CD163: variants seen among roughly 807,000 people sequenced by gnomAD.
CD163 encodes CD163 molecule, also known as scavenger receptor cysteine-rich type 1 protein M130.
CD163 carries 64 observed loss-of-function variants against 129.2 expected under a neutral mutation model. The observed-to-expected ratio is 0.50, with a 90% CI of 0.41 to 0.61. The LOEUF (loss-of-function observed/expected upper bound fraction) is 0.61. Among genes scored for constraint, CD163 ranks in the 20% least tolerant of loss-of-function variants. The pLI is 0.00. For synonymous variants in CD163, 446 were observed against 478.5 expected (o/e 0.93, Z 0.89); for missense variants, 1,061 against 1,377.9 (o/e 0.77, Z 3.64).
At chr12:7,498,719 T>C (rs761890410) in intron 4 of CD163, 149 bp downstream of exon 4, 6 of 715,834 alleles carry the variant, frequency 8.4e-6, no homozygotes, top group East Asian at 5.1e-5. Context: ...AGTCCACAGG[T>C]ATCAGAACTG....
chr12:7,480,025 A>G, intron 15 of CD163, 112 bp from the exon 16 acceptor site: 3 of 1,598,854 alleles, frequency 1.9e-6, no homozygotes, highest in Non-Finnish European at 2.6e-6. Flanking sequence ...TTACTGGGAA[A>G]TAAACCAGAC....
At chr12:7,484,175 G>A (rs1949214884) in intron 11 of CD163, among the ~76,000 whole-genome samples, 1 of 151,254 alleles carries the variant, frequency 6.6e-6, no homozygotes, top group African/African-American at 2.4e-5. Context: ...TTTTATAAGA[G>A]GACTTGTCAT....
intron 11 of CD163, 70 bp from the exon 12 acceptor site, chr12:7,483,745 G>C (rs1565400265): frequency 1.1e-6 from 1 of 903,854 alleles, no homozygotes; most frequent in Non-Finnish European, 1.5e-6. Context: ...CAGGTGAAAA[G>C]AGAGATTTGA....
chr12:7,479,236 A>G (rs1949128303), intron 16 of CD163, among the ~76,000 whole-genome samples: 1 of 152,062 alleles, frequency 6.6e-6, no homozygotes, highest in South Asian at 2.1e-4. Flanking sequence ...TTATTAAACA[A>G]TCATGTCTTT....
At chr12:7,503,038 A>G (rs1377030782) in intron 1 of CD163, among the ~76,000 whole-genome samples, 3 of 152,214 alleles carry the variant, frequency 2.0e-5, no homozygotes, top group Non-Finnish European at 2.9e-5. Flanking sequence ...CATGTTCACC[A>G]TAATTTCACC....
chr12:7,473,444 T>G (rs763041277), intron 16 of CD163, among the ~76,000 whole-genome samples: 2 of 152,270 alleles, frequency 1.3e-5, no homozygotes, highest in East Asian at 3.9e-4. Flanking sequence ...GAAACAATTT[T>G]CAACCCAGAA....
chr12:7,482,279 TG>T (rs1267093324), intron 14 of CD163, among the ~76,000 whole-genome samples: 1 of 152,222 alleles, frequency 6.6e-6, no homozygotes, highest in Non-Finnish European at 1.5e-5. Flanking sequence ...AATTCTGTAA[TG>T]TTCCAGTTAA....
chr12:7,482,726 C>A lies in CD163; in HGVS notation c.3164G>T (p.Gly1055Val), dbSNP rs370234977. 6.2e-7 allele frequency: 1 copy of A among 1,613,956 alleles called. No homozygotes were observed. The highest frequency in any genetic ancestry group is 8.5e-7 in the Non-Finnish European group (1 of 1,179,990). Reference protein sequence around the residue: ...SSRQSSFIAVGILGVVLLAIF... With the variant: ...SSRQSSFIAVVILGVVLLAIF... ...GGCCAACAGAACAACCCCAAGGATC[C>A]CGACTGCAATAAAGGATGACTGACG... Residue 1055 changes from glycine (G) to valine (V), a missense_variant, in exon 14 of 17, where the codon GGG becomes GTG. Transcript: ENST00000432237.
chr12:7,479,426 A>AT (rs1949131351), intron 16 of CD163, among the ~76,000 whole-genome samples: 1 of 152,002 alleles, frequency 6.6e-6, no homozygotes, highest in Non-Finnish European at 1.5e-5. Context: ...TTTTTCAGTT[A>AT]TTTTTAAAGT....
chr12:7,500,314 G>A (rs756187702), intron 3 of CD163, among the ~76,000 whole-genome samples: 6 of 148,702 alleles, frequency 4.0e-5, no homozygotes, highest in South Asian at 2.1e-4. Flanking sequence ...CCAGCTACTC[G>A]GGAGACTGAG....
At chr12:7,475,253 C>T (rs1949071068) in intron 16 of CD163, among the ~76,000 whole-genome samples, 1 of 152,142 alleles carries the variant, frequency 6.6e-6, no homozygotes, top group African/African-American at 2.4e-5. Flanking sequence ...TCAGCATCAT[C>T]CTGACACCAA....
chr12:7,502,499 A>T lies in CD163; in HGVS notation c.112T>A (p.Cys38Ser), dbSNP rs1356741085. The T allele has an allele frequency of 6.2e-7, 1 of 1,600,356 alleles. No individual in the cohort carries two copies. Among genetic ancestry groups the T allele is most frequent in the East Asian group, 2.2e-5 (1 of 44,722 alleles). ...TITVVLLLSA[C>S]FVTSSLGGTD... Reference sequence around the variant, plus strand: ...TCACCAAGAGAACTGGTGACAAAACAGGCACTGAGAAGTAAGACCACAGTA... The same window carrying T: ...TCACCAAGAGAACTGGTGACAAAACTGGCACTGAGAAGTAAGACCACAGTA... The change falls in exon 2 of 17, where the codon TGT becomes AGT. Residue 38 changes from cysteine to serine, a missense_variant. Transcript: ENST00000432237.
intron 6 of CD163, 130 bp from the exon 7 acceptor site, chr12:7,488,217 G>C: frequency 1.0e-6 from 1 of 993,222 alleles, no homozygotes; most frequent in Non-Finnish European, 1.4e-6. Context: ...ACACTTGTTT[G>C]TCTTGGCTTT....
chr12:7,495,008 G>A, intron 6 of CD163, 73 bp downstream of exon 6: 1 of 1,166,640 alleles, frequency 8.6e-7, no homozygotes, highest in Non-Finnish European at 1.3e-6. Context: ...AAGGACCAAT[G>A]TTTCTTTTCA....
chr12:7,484,119 G>T (rs925393513), intron 11 of CD163, among the ~76,000 whole-genome samples: 9 of 151,648 alleles, frequency 5.9e-5, no homozygotes, highest in Non-Finnish European at 1.0e-4. Context: ...TTACAGGCGT[G>T]AGCCACCGTG....
At chr12:7,472,475 A>G (rs954226052) in intron 16 of CD163, among the ~76,000 whole-genome samples, 6 of 152,216 alleles carry the variant, frequency 3.9e-5, no homozygotes, top group African/African-American at 1.4e-4. Flanking sequence ...GAATTACAGA[A>G]GAGGGGCCTG....
At chr12:7,499,829 C>T (rs756169001) in intron 3 of CD163, among the ~76,000 whole-genome samples, 2 of 152,210 alleles carry the variant, frequency 1.3e-5, no homozygotes, top group Admixed American at 1.3e-4. Context: ...AGAAAGAGAA[C>T]TGAGTCACCA....
In CD163 at chr12:7,499,053, C is replaced by T; in HGVS notation, c.593G>A (p.Arg198Lys). 6.2e-7 allele frequency: 1 copy of T among 1,614,172 alleles called. No homozygotes were observed. Among genetic ancestry groups the T allele is most frequent in the Non-Finnish European group, 8.5e-7 (1 of 1,180,022 alleles). The change falls in exon 4 of 17, where the codon AGA becomes AAA. Residue 198 changes from arginine (R) to lysine (K), a missense_variant. Coordinates refer to ENST00000432237, the MANE Select transcript of CD163 (RefSeq NM_203416.4). ...GACAGCACTTCCACATTCAAGTTGT[C>T]TACAAATGACAGATGCATGATCTAT... ...FNIDHASVIC[R>K]QLECGSAVSF...
intron 4 of CD163, 151 bp downstream of exon 4, chr12:7,498,717 G>A: frequency 1.4e-6 from 1 of 706,026 alleles, no homozygotes; most frequent in South Asian, 2.1e-5. Context: ...AAAGTCCACA[G>A]GTATCAGAAC....
Sources: allele counts gnomAD v4.1 joint callset (sites outside exome capture counted in the v4.1 genomes callset), GRCh38; gene constraint gnomAD v4.1.1; transcripts MANE v1.5; gene names NCBI Gene and HGNC (gene_info 2026-07-23, HGNC 2026-07-21).